Variants in ZFP64 observed in about 807,000 individuals in gnomAD.
The protein encoded by ZFP64 is zinc finger protein 64.
ZFP64 carries 14 observed loss-of-function variants against 51.6 expected under a neutral mutation model. The observed-to-expected ratio is 0.27, with a 90% confidence interval of 0.18 to 0.42. ZFP64 has a LOEUF of 0.42. Among genes scored for constraint, ZFP64 ranks in the 10% least tolerant of loss-of-function variants. ZFP64 has a pLI of 1.00. For missense variants in ZFP64, 754 were observed against 906.8 expected (o/e 0.83, Z 2.16); for synonymous variants, 375 against 361.4 (o/e 1.04, Z -0.43).
At chr20:52,189,957 C>G (rs1005603784) in intron 1 of ZFP64, among the ~76,000 whole-genome samples, 4 of 152,148 alleles carry the variant, frequency 2.6e-5, no homozygotes, top group Admixed American at 2.6e-4. Flanking sequence ...TACCTTTGTG[C>G]ATATATGGTT....
chr20:52,167,844 T>C (rs562214211), intron 2 of ZFP64, among the ~76,000 whole-genome samples: 1 of 152,194 alleles, frequency 6.6e-6, no homozygotes, highest in Non-Finnish European at 1.5e-5. Context: ...TCACTGTTTA[T>C]TTTAGCTTTG....
At chr20:52,187,512 C>T (rs1420996288) in intron 1 of ZFP64, among the ~76,000 whole-genome samples, 3 of 152,108 alleles carry the variant, frequency 2.0e-5, no homozygotes, top group East Asian at 3.9e-4. Flanking sequence ...ATCCTAGCTA[C>T]TCAGGAGGCT....
intron 2 of ZFP64, among the ~76,000 whole-genome samples, chr20:52,186,565 G>A (rs184067880): frequency 1.8e-3 from 266 of 148,462 alleles, no homozygotes; most frequent in Non-Finnish European, 3.4e-3. Context: ...TTTTCCTATA[G>A]TATATAGATT....
chr20:52,092,457 G>A (rs1329556861), intron 7 of ZFP64, among the ~76,000 whole-genome samples: 1 of 152,170 alleles, frequency 6.6e-6, no homozygotes, highest in East Asian at 1.9e-4. Flanking sequence ...AAAGTCAATC[G>A]TGACTATTAA....
intron 5 of ZFP64, among the ~76,000 whole-genome samples, chr20:52,155,891 T>C (rs1168268388): frequency 2.6e-5 from 4 of 152,184 alleles, no homozygotes; most frequent in Admixed American, 2.6e-4. Flanking sequence ...GTCTATCCAA[T>C]TGCCGAAAGG....
exon 7 of ZFP64, chr20:52,097,411 C>T: frequency 1.9e-6 from 3 of 1,612,396 alleles, no homozygotes; most frequent in Non-Finnish European, 2.5e-6. Context: ...GTCTTTCATG[C>T]CATGGACAGT....
rs778641715 is a variant in ZFP64 at position 52,153,125 on chromosome 20, G to A, written c.1067C>T (p.Ala356Val). The stretch of plus-strand genomic sequence containing the variant: ...GATACGCTCGTGGATGCGCAGGGCG[G>A]CCTTGCTGGAGCAGGAGTAGCTGCA... Reference protein sequence around the residue: ...SECSYSCSSKAALRIHERIHC... With the variant: ...SECSYSCSSKVALRIHERIHC... The change falls in exon 6 of 6, where the codon GCC becomes GTC. Residue 356 changes from alanine (A) to valine (V), a missense_variant. Around this residue, in one of 3 missense-constraint regions of ZFP64, gnomAD observed 428 missense variants for 472.4 expected, o/e 0.91. Coordinates refer to ENST00000216923, the MANE Select transcript of ZFP64 (RefSeq NM_018197.3). The surrounding 1 kb of genome is among the most constrained non-coding windows in gnomAD (Gnocchi z 5.1). 2 of 1,614,220 alleles carry A rather than the reference G, an allele frequency of 1.2e-6. No individual in the cohort carries two copies. Among genetic ancestry groups the A allele is most frequent in the Admixed American group, 3.3e-5 (2 of 60,034 alleles).
downstream of ZFP64, among the ~76,000 whole-genome samples, chr20:52,146,688 C>T (rs1331188832): frequency 2.0e-5 from 3 of 152,058 alleles, no homozygotes; most frequent in Non-Finnish European, 4.4e-5. Flanking sequence ...ATGTAACTAA[C>T]CTGCACATTG....
intron 5 of ZFP64, chr20:52,104,829 A>C (rs1164557098): frequency 1.6e-6 from 1 of 629,110 alleles, no homozygotes; most frequent in East Asian, 3.4e-5. Context: ...GCGCATCCCG[A>C]AAACAGCCTC....
At chr20:52,123,030 C>T (rs1979270787) in intron 5 of ZFP64, among the ~76,000 whole-genome samples, 5 of 151,956 alleles carry the variant, frequency 3.3e-5, no homozygotes, top group Admixed American at 1.3e-4. Flanking sequence ...CTCTGTCACC[C>T]AGGTTGGAGT....
Position 52,142,382 on chromosome 20 carries a change from A to ACACACACACACGCGCG in ZFP64, c.763+17740_763+17741insCGCGCGTGTGTGTGTG, listed in dbSNP as rs879903441. 3.6e-3 allele frequency among the ~76,000 whole-genome samples: 306 copies of ACACACACACACGCGCG among 84,468 alleles called. 1 individual carries two copies. Among genetic ancestry groups the ACACACACACACGCGCG allele is most frequent in the African/African-American group, 7.4e-3 (220 of 29,562 alleles). The allele number at this position is 84,468 out of a possible 152,430, so 55.4% of individuals were successfully genotyped here. On this transcript the variant is annotated intron_variant, in intron 5 of 8. Transcript: ENST00000361387. The stretch of plus-strand genomic sequence containing the variant: ...GACTTCATCACACACACACAGACAC[A>ACACACACACACGCGCG]CACACACACACACACACACACACAC...
intron 5 of ZFP64, among the ~76,000 whole-genome samples, chr20:52,135,535 A>G (rs1979927820): frequency 6.6e-6 from 1 of 151,980 alleles, no homozygotes; most frequent in Non-Finnish European, 1.5e-5. Context: ...TCTGGAGTGC[A>G]GTGGTGTGAT....
chr20:52,093,079 G>A (rs900224490), intron 7 of ZFP64, among the ~76,000 whole-genome samples: 3 of 152,040 alleles, frequency 2.0e-5, no homozygotes, highest in African/African-American at 7.2e-5. Context: ...GCCACTGTGT[G>A]GTTCCTCACA....
At position 52,085,409 on chromosome 20, in the gene ZFP64, G is replaced by A. The variant is rs2078853907; in HGVS notation, c.1229-143C>T. 1 of 888,676 alleles carries A rather than the reference G, an allele frequency of 1.1e-6. No homozygotes were observed. The highest frequency in any genetic ancestry group is 1.7e-6 in the Non-Finnish European group (1 of 595,674). 55.0% of individuals were successfully genotyped at this position (888,676 alleles called of 1,614,324 possible). ...CAACCTCCTAATGACAACACTTGTT[G>A]TGCATATTAATGCAATCCTCACAAC... is the stretch of plus-strand genomic sequence containing the variant. On this transcript the variant is annotated intron_variant, in intron 8 of 8. Transcript: ENST00000361387. The surrounding 1 kb of genome is among the most constrained non-coding windows in gnomAD (Gnocchi z 4.3).
rs552987839 is a variant in ZFP64, at chr20:52,159,801, A to G, written c.763+322T>C. On this transcript the variant is annotated intron_variant, in intron 5 of 5. Transcript: ENST00000216923. ...CAATAGTTCAAGACCAGCCTGACCA[A>G]TATGGCAAAACCCCATCTCTACTAA... Among the ~76,000 whole-genome samples the G allele has an allele frequency of 3.9e-5, 6 of 152,368 alleles. No individual in the cohort carries two copies. The East Asian group carries it at 1.2e-3, about 29-fold the overall frequency.
intron 4 of ZFP64, among the ~76,000 whole-genome samples, chr20:52,162,119 G>A (rs990498228): frequency 6.6e-6 from 1 of 151,784 alleles, no homozygotes; most frequent in Non-Finnish European, 1.5e-5. Flanking sequence ...CCAACATGGT[G>A]AAACCCTGTC....
intron 5 of ZFP64, among the ~76,000 whole-genome samples, chr20:52,141,158 G>A (rs1339263827): frequency 1.3e-5 from 2 of 152,178 alleles, no homozygotes; most frequent in Non-Finnish European, 2.9e-5. Context: ...GAGCTCTGAT[G>A]GAGATGTACA....
At chr20:52,169,207 C>T (rs954965428) in intron 2 of ZFP64, among the ~76,000 whole-genome samples, 1 of 152,182 alleles carries the variant, frequency 6.6e-6, no homozygotes, top group Non-Finnish European at 1.5e-5. Flanking sequence ...GGTTGAATCT[C>T]AATAAATGTC....
Position 52,117,276 on chromosome 20 carries a change from T to C in ZFP64, c.764-18689A>G, listed in dbSNP as rs574794513. ...TAATAAGGTCCCCAGGTGATCCATA[T>C]TCATGTTACCTTTGAGACACACTGG... On this transcript the variant is annotated intron_variant, in intron 5 of 8. Coordinates refer to the ZFP64 transcript ENST00000361387. Among the ~76,000 whole-genome samples, 38 of 151,372 alleles carry C rather than the reference T, an allele frequency of 2.5e-4. No individual in the cohort carries two copies. The South Asian group carries it at 7.5e-3, about 30-fold the overall frequency.
Sources: gnomAD v4.1 joint callset for allele counts (sites outside exome capture counted in the v4.1 genomes callset) on GRCh38, gnomAD v4.1.1 for gene constraint, gnomAD v4.1.1 regional missense constraint, Gnocchi (gnomAD v3.1) non-coding constraint, MANE v1.5 for transcripts, NCBI Gene and HGNC (gene_info 2026-07-23, HGNC 2026-07-21) for gene names.